Variants in RAD51B observed in about 807,000 individuals in gnomAD.
RAD51B encodes DNA repair protein RAD51 homolog 2.
RAD51B carries 38 observed loss-of-function variants against 42.2 expected under a neutral mutation model. The observed-to-expected ratio is 0.90, with a 90% CI of 0.70 to 1.18. RAD51B has a LOEUF of 1.18. RAD51B is among the 50% of genes most tolerant of loss of function. The probability of loss-of-function intolerance (pLI) is 0.00; values close to 1 mark genes in which losing one functional copy is unlikely to be tolerated. For missense variants in RAD51B, 373 were observed against 400.7 expected (o/e 0.93, Z 0.59); for synonymous variants, 154 against 145.2 (o/e 1.06, Z -0.43).
chr14:68,423,267 A>G (rs1342329664), intron 9 of RAD51B, among the ~76,000 whole-genome samples: 1 of 152,190 alleles, frequency 6.6e-6, no homozygotes, highest in African/African-American at 2.4e-5. Flanking sequence ...AACCTTAAAG[A>G]ATTAGAGCTA....
At chr14:68,418,854 A>G (rs899354020) in intron 9 of RAD51B, among the ~76,000 whole-genome samples, 1 of 152,240 alleles carries the variant, frequency 6.6e-6, no homozygotes, top group African/African-American at 2.4e-5. Context: ...TAAAAAGGAA[A>G]GAAGGGTTCA....
chr14:68,328,960 T>TC (rs2082296493), intron 8 of RAD51B, among the ~76,000 whole-genome samples: 1 of 152,166 alleles, frequency 6.6e-6, no homozygotes, highest in Admixed American at 6.5e-5. Context: ...GTTAAATCTA[T>TC]CCCCAGCCCT....
chr14:67,844,611 AT>A (rs1290334125), intron 4 of RAD51B, among the ~76,000 whole-genome samples: 5 of 146,728 alleles, frequency 3.4e-5, no homozygotes, highest in Non-Finnish European at 6.0e-5. Context: ...TTATATATAT[AT>A]TATATATATA....
At chr14:68,230,741 G>A (rs977374460) in intron 7 of RAD51B, among the ~76,000 whole-genome samples, 9 of 152,170 alleles carry the variant, frequency 5.9e-5, no homozygotes, top group Admixed American at 5.2e-4. Flanking sequence ...ACCCTTATCC[G>A]GCTTAGGAGT....
intron 7 of RAD51B, among the ~76,000 whole-genome samples, chr14:68,159,789 G>A (rs937797736): frequency 4.6e-5 from 7 of 151,598 alleles, no homozygotes; most frequent in East Asian, 3.9e-4. Flanking sequence ...TCTTACTCCC[G>A]TTCCAGATGT....
At chr14:67,888,428 A>G (rs1193885271) in intron 7 of RAD51B, among the ~76,000 whole-genome samples, 4 of 152,134 alleles carry the variant, frequency 2.6e-5, no homozygotes, top group Non-Finnish European at 5.9e-5. Context: ...AACTAAAGAT[A>G]GGAGATATTT....
chr14:68,563,040 T>G, intron 10 of RAD51B: 2 of 985,454 alleles, frequency 2.0e-6, no homozygotes, highest in Non-Finnish European at 2.4e-6. Context: ...TCTCTCACCC[T>G]GGCCGCTTCT....
chr14:68,413,758 C>G (rs2084478877), intron 9 of RAD51B, among the ~76,000 whole-genome samples: 1 of 152,104 alleles, frequency 6.6e-6, no homozygotes, highest in Non-Finnish European at 1.5e-5. Context: ...GAAGGCTTTT[C>G]TGGGATATGT....
chr14:68,391,802 A>G (rs2083767081), intron 8 of RAD51B, among the ~76,000 whole-genome samples: 1 of 152,150 alleles, frequency 6.6e-6, no homozygotes. Context: ...AATAGAAACA[A>G]CTCAGATATT....
At chr14:68,209,198 C>T (rs1422387272) in intron 7 of RAD51B, among the ~76,000 whole-genome samples, 2 of 152,144 alleles carry the variant, frequency 1.3e-5, no homozygotes, top group African/African-American at 4.8e-5. Context: ...TCCACTCTAG[C>T]ACTCAAGTAT....
intron 7 of RAD51B, among the ~76,000 whole-genome samples, chr14:68,066,841 G>T (rs1388557223): frequency 6.6e-6 from 1 of 152,076 alleles, no homozygotes; most frequent in Non-Finnish European, 1.5e-5. Context: ...TTAATTAAAG[G>T]AAAAGAATTT....
At chr14:67,821,993 G>A (rs545118808) in intron 1 of RAD51B, among the ~76,000 whole-genome samples, 4 of 150,586 alleles carry the variant, frequency 2.7e-5, no homozygotes, top group East Asian at 1.9e-4. Context: ...TTGTGTGTGC[G>A]TGTGTGTGTG....
At chr14:68,388,080 A>G (rs1244608646) in intron 8 of RAD51B, among the ~76,000 whole-genome samples, 18 of 132,316 alleles carry the variant, frequency 1.4e-4, no homozygotes, top group Middle Eastern at 3.8e-3. Flanking sequence ...GTGTGTGTGT[A>G]TATATATATA....
intron 7 of RAD51B, among the ~76,000 whole-genome samples, chr14:68,112,211 T>C (rs1473949388): frequency 6.6e-6 from 1 of 152,094 alleles, no homozygotes. Flanking sequence ...ATTGCACTCA[T>C]TGAGATTTAG....
rs1172728051 is a variant in RAD51B at position 68,220,301 on chromosome 14, A to G, written c.757-71583A>G. ...GATTAAGTGGGTTTCAGATGCAGAG[A>G]TGGTTTAACATATGTCAGTCAATAA... is the stretch of plus-strand genomic sequence containing the variant. On this transcript the variant is annotated intron_variant, in intron 7 of 10. Coordinates refer to ENST00000471583, the MANE Select transcript of RAD51B (RefSeq NM_133510.4). 2.0e-5 allele frequency among the ~76,000 whole-genome samples: 3 copies of G among 152,236 alleles called. No homozygotes were observed. In the East Asian group the frequency reaches 5.8e-4, roughly 29 times the overall value.
intron 4 of RAD51B, among the ~76,000 whole-genome samples, chr14:67,837,319 T>C (rs2041277590): frequency 6.6e-6 from 1 of 150,910 alleles, no homozygotes; most frequent in Non-Finnish European, 1.5e-5. Context: ...AACTTACTTA[T>C]TTAAATAGCA....
At chr14:68,424,120 C>T (rs943413231) in intron 9 of RAD51B, among the ~76,000 whole-genome samples, 1 of 152,194 alleles carries the variant, frequency 6.6e-6, no homozygotes, top group African/African-American at 2.4e-5. Context: ...CCTAAGGGCC[C>T]AGGAGGTATA....
chr14:68,413,037 T>G (rs1224758889), intron 9 of RAD51B, among the ~76,000 whole-genome samples: 1 of 152,262 alleles, frequency 6.6e-6, no homozygotes, highest in East Asian at 1.9e-4. Flanking sequence ...CCATTCTTAC[T>G]GTTACACACG....
intron 11 of RAD51B, among the ~76,000 whole-genome samples, chr14:68,669,171 C>T (rs944690111): frequency 2.6e-5 from 4 of 152,372 alleles, no homozygotes; most frequent in African/African-American, 9.6e-5. Flanking sequence ...CTGTTGGAAA[C>T]AGTGGCCTCT....
Sources: allele counts gnomAD v4.1 joint callset (sites outside exome capture counted in the v4.1 genomes callset), GRCh38; gene constraint gnomAD v4.1.1; transcripts MANE v1.5; gene names NCBI Gene and HGNC (gene_info 2026-07-23, HGNC 2026-07-21).